LAMB1: variants seen among roughly 807,000 people sequenced by gnomAD.
LAMB1 encodes the protein laminin subunit beta-1.
In LAMB1, 121 loss-of-function variants were observed where a neutral mutation model predicts 222.3. The observed-to-expected ratio is 0.54, with a 90% CI of 0.47 to 0.63. LAMB1 has a LOEUF of 0.63. LAMB1 is among the 30% of genes least tolerant of loss of function. The pLI, the probability that LAMB1 is intolerant of heterozygous loss-of-function variation, is 0.00. For missense variants in LAMB1, 2,172 were observed against 2,240.8 expected (o/e 0.97, Z 0.62); for synonymous variants, 794 against 807.2 (o/e 0.98, Z 0.28).
At chr7:107,999,761 TGC>T (rs2034348287) in intron 3 of LAMB1, 1 of 139,218 alleles carries the variant, frequency 7.2e-6, no homozygotes, top group South Asian at 2.4e-4. Flanking sequence ...TGGCTCCAGT[TGC>T]TTTTTTTTTT....
intron 8 of LAMB1, among the ~76,000 whole-genome samples, 188 bp from the exon 9 acceptor site, chr7:107,978,355 T>C (rs943334704): frequency 1.3e-5 from 2 of 152,046 alleles, no homozygotes; most frequent in Admixed American, 1.3e-4. Context: ...GATGGCTACA[T>C]GCCTCATCTC....
chr7:107,948,834 A>C (rs992954010), intron 24 of LAMB1, among the ~76,000 whole-genome samples: 1 of 152,204 alleles, frequency 6.6e-6, no homozygotes, highest in Non-Finnish European at 1.5e-5. Context: ...ATTGGCCAGC[A>C]TAATAGGCAA....
chr7:107,924,664 A>G (rs1437220440), intron 32 of LAMB1, among the ~76,000 whole-genome samples: 1 of 152,236 alleles, frequency 6.6e-6, no homozygotes, highest in Non-Finnish European at 1.5e-5. Flanking sequence ...AAGTTGTAGC[A>G]TAATTGTATT....
chr7:107,954,231 T>C (rs2033326393), intron 21 of LAMB1, among the ~76,000 whole-genome samples: 2 of 152,164 alleles, frequency 1.3e-5, no homozygotes, highest in African/African-American at 4.8e-5. Flanking sequence ...AATAGCTCAC[T>C]GCAGCCCTGA....
Position 107,940,161 on chromosome 7 carries a change from T to A in LAMB1, c.3589A>T (p.Thr1197Ser), listed in dbSNP as rs748452919. The change falls in exon 25 of 34, where the codon ACA becomes TCA. Residue 1197 changes from threonine (T) to serine (S), a missense_variant. By Grantham distance (58) the Thr-to-Ser change is moderately conservative (BLOSUM62 1). Transcript: ENST00000222399. ...TTGGCTTTCTCCAGGAATCTGTGTG[T>A]CCTGTTGGTCAGCTCGGCAATGATC... ...DVIIAELTNR[T>S]HRFLEKAKAL... The A allele has an allele frequency of 3.1e-6, 5 of 1,614,134 alleles. No homozygotes were observed. The highest frequency in any genetic ancestry group is 3.3e-4 in the Middle Eastern group (2 of 6,062).
Position 108,001,375 on chromosome 7 carries a change from G to A in LAMB1, c.213+183C>T, listed in dbSNP as rs555212398. Reference sequence around the variant, plus strand: ...CCGCGCCGGCAGGAAATGTGTGGCGGATGCAACTGTGCAAACTGAGATGGG... The same window carrying A: ...CCGCGCCGGCAGGAAATGTGTGGCGAATGCAACTGTGCAAACTGAGATGGG... On this transcript the variant is annotated intron_variant, in intron 3 of 33. Transcript: ENST00000222399. 3.9e-5 allele frequency among the ~76,000 whole-genome samples: 6 copies of A among 152,368 alleles called. No homozygotes were observed. In the South Asian group the frequency reaches 1.2e-3, roughly 32 times the overall value.
chr7:107,989,162 G>A (rs2034136233), intron 5 of LAMB1, among the ~76,000 whole-genome samples: 1 of 152,182 alleles, frequency 6.6e-6, no homozygotes, highest in Non-Finnish European at 1.5e-5. Context: ...GGGAGATTTA[G>A]GAGGGTGTAG....
At chr7:107,968,613 T>C (rs544965019) in intron 13 of LAMB1, among the ~76,000 whole-genome samples, 2 of 152,232 alleles carry the variant, frequency 1.3e-5, no homozygotes, top group Admixed American at 6.5e-5. Context: ...TAAGAAGGAT[T>C]TGACCCAGTG....
intron 7 of LAMB1, among the ~76,000 whole-genome samples, chr7:107,982,258 C>A (rs1177825570): frequency 6.6e-6 from 1 of 152,206 alleles, no homozygotes; most frequent in African/African-American, 2.4e-5. Context: ...CATCTGTCTG[C>A]ACTCTCAAGC....
chr7:108,001,980 T>C, intron 2 of LAMB1: 1 of 1,445,234 alleles, frequency 6.9e-7, no homozygotes, highest in Non-Finnish European at 9.1e-7. Flanking sequence ...AGCGAGAGCC[T>C]CCCTCCCGGG....
chr7:107,985,420 T>C (rs2034054786), intron 7 of LAMB1, among the ~76,000 whole-genome samples: 2 of 151,640 alleles, frequency 1.3e-5, no homozygotes, highest in Middle Eastern at 3.2e-3. Flanking sequence ...GGTCAGGAGT[T>C]CGAGACCCAG....
At chr7:107,960,043 C>G (rs1167583249) in intron 18 of LAMB1, among the ~76,000 whole-genome samples, 4 of 152,140 alleles carry the variant, frequency 2.6e-5, no homozygotes, top group African/African-American at 9.7e-5. Flanking sequence ...TGTTTTCTCC[C>G]CTTGCCTTCA....
At chr7:107,990,831 T>C (rs532908418) in intron 5 of LAMB1, among the ~76,000 whole-genome samples, 24 of 152,302 alleles carry the variant, frequency 1.6e-4, no homozygotes, top group Admixed American at 9.8e-4. Context: ...TTGAAAAAGC[T>C]TTCTAAGATA....
intron 2 of LAMB1, chr7:108,002,429 A>G: frequency 1.5e-6 from 2 of 1,314,196 alleles, no homozygotes; most frequent in Non-Finnish European, 2.0e-6. Context: ...TTAAAGCCAC[A>G]TGGCCCCCAT....
At chr7:107,990,794 G>C (rs2034167465) in intron 5 of LAMB1, among the ~76,000 whole-genome samples, 1 of 152,212 alleles carries the variant, frequency 6.6e-6, no homozygotes, top group Non-Finnish European at 1.5e-5. Flanking sequence ...GAGTATCAGA[G>C]TATGGCAGTG....
rs1213136286 is a variant in LAMB1 at position 107,934,440 on chromosome 7, T to C, written c.4188+975A>G. On this transcript the variant is annotated intron_variant, in intron 27 of 33. Transcript: ENST00000222399. Reference sequence around the variant, plus strand: ...CCCTCCAAATTATTTCACATAGGTATCCTTCCTTGAAAACACAGGAAGGAA... The same window carrying C: ...CCCTCCAAATTATTTCACATAGGTACCCTTCCTTGAAAACACAGGAAGGAA... Among the ~76,000 whole-genome samples, 3 of 152,298 alleles carry C rather than the reference T, an allele frequency of 2.0e-5. No homozygotes were observed. The East Asian group carries it at 5.8e-4, about 29-fold the overall frequency.
chr7:107,933,398 A>G (rs1473622594), intron 27 of LAMB1, among the ~76,000 whole-genome samples: 1 of 152,262 alleles, frequency 6.6e-6, no homozygotes, highest in East Asian at 1.9e-4. Context: ...TAAGATAATT[A>G]TAATTCCATT....
At chr7:107,980,950 G>A (rs1344332029) in intron 7 of LAMB1, 139 bp from the exon 8 acceptor site, 3 of 598,462 alleles carry the variant, frequency 5.0e-6, no homozygotes, top group Non-Finnish European at 8.9e-6. Flanking sequence ...TGATCTAGAT[G>A]ACTCCAATAG....
intron 24 of LAMB1, among the ~76,000 whole-genome samples, chr7:107,950,923 G>GGTGTGTGTGTGTGTGT (rs57060477): frequency 6.8e-6 from 1 of 147,750 alleles, no homozygotes; most frequent in Non-Finnish European, 1.5e-5. Flanking sequence ...GTGTATTTGT[G>GGTGTGTGTGTGTGTGT]GTGTGTGTGT....
Sources: gnomAD v4.1 joint callset for allele counts (sites outside exome capture counted in the v4.1 genomes callset) on GRCh38, gnomAD v4.1.1 for gene constraint, MANE v1.5 for transcripts, NCBI Gene and HGNC (gene_info 2026-07-23, HGNC 2026-07-21) for gene names.